The following DMD variants were observed in gnomAD, a reference collection of about 807,000 sequenced individuals.
The protein encoded by DMD is dystrophin.
A neutral mutation model predicts 330.1 loss-of-function variants in DMD; 63 were observed. That is an observed-to-expected ratio of 0.19 (90% confidence interval 0.16 to 0.24). The LOEUF (loss-of-function observed/expected upper bound fraction) is 0.24. DMD is among the 10% of genes least tolerant of loss of function. The pLI is 1.00. For missense variants in DMD, 3,344 were observed against 2,684.1 expected (o/e 1.25, Z -5.43); for synonymous variants, 1,223 against 959.8 (o/e 1.27, Z -5.07).
intron 74 of DMD, among the ~76,000 whole-genome samples, chrX:31,154,540 T>C (rs376201808): frequency 2.7e-5 from 3 of 109,949 alleles, no homozygotes; most frequent in South Asian, 8.0e-4. Context: ...GTGATCCGCC[T>C]GCCTCGGCCT....
chrX:32,913,488 T>C (rs2087486629), intron 2 of DMD, among the ~76,000 whole-genome samples: 1 of 112,178 alleles, frequency 8.9e-6, no homozygotes, highest in Non-Finnish European at 1.9e-5. Context: ...ATAATCCACA[T>C]GATACCAGGT....
In DMD at chrX:32,348,494, T is replaced by A. The variant is rs2097771386; in HGVS notation, c.5360A>T (p.Asn1787Ile). 1 of 1,207,342 alleles carries A rather than the reference T, an allele frequency of 8.3e-7. No homozygotes were observed. Among genetic ancestry groups the A allele is most frequent in the African/African-American group, 1.7e-5 (1 of 57,644 alleles). ...SIPLKELEQF[N>I]SDIQKLLEPL... ...TTCAAGCAATTTTTGTATATCTGAG[T>A]TAAACTGCTCCAATTCCTTCAAAGG... is the stretch of plus-strand genomic sequence containing the variant. The change falls in exon 38 of 79, where the codon AAC (asparagine) becomes ATC (isoleucine). Residue 1787 changes from asparagine to isoleucine, a missense_variant. Coordinates refer to ENST00000357033, the MANE Select transcript of DMD (RefSeq NM_004006.3).
chrX:33,092,701 T>G (rs1046771027), intron 1 of DMD, among the ~76,000 whole-genome samples: 3 of 110,974 alleles, frequency 2.7e-5, no homozygotes, highest in South Asian at 3.8e-4. Flanking sequence ...AAGAGCTATT[T>G]GACAGATGAA....
chrX:31,880,318 C>G (rs1324718782), intron 47 of DMD, among the ~76,000 whole-genome samples: 1 of 111,429 alleles, frequency 9.0e-6, no homozygotes, highest in Non-Finnish European at 1.9e-5. Context: ...ATTAAAGCCA[C>G]TAATCAAAAT....
intron 1 of DMD, among the ~76,000 whole-genome samples, chrX:33,206,831 A>G (rs2051600775): frequency 9.0e-6 from 1 of 110,767 alleles, no homozygotes; most frequent in Non-Finnish European, 1.9e-5. Context: ...AATGAGGTAG[A>G]GGTTGTATGG....
At chrX:31,690,067 T>G (rs2148808466) in intron 52 of DMD, among the ~76,000 whole-genome samples, 1 of 111,948 alleles carries the variant, frequency 8.9e-6, no homozygotes, top group African/African-American at 3.2e-5. Context: ...GGGCAAGGAC[T>G]TCATGTCTAA....
At chrX:32,656,252 G>T (rs7064819) in intron 9 of DMD, among the ~76,000 whole-genome samples, 1 of 111,699 alleles carries the variant, frequency 9.0e-6, no homozygotes, top group Non-Finnish European at 1.9e-5. Context: ...CCTGAAGGTC[G>T]TGATACACAC....
At chrX:31,244,888 A>C (rs1365851648) in intron 63 of DMD, among the ~76,000 whole-genome samples, 1 of 111,951 alleles carries the variant, frequency 8.9e-6, no homozygotes, top group East Asian at 2.8e-4. Flanking sequence ...AAAAACTTCT[A>C]TACCCTCAGT....
At chrX:32,060,818 C>T (rs1358397186) in intron 44 of DMD, among the ~76,000 whole-genome samples, 1 of 111,104 alleles carries the variant, frequency 9.0e-6, no homozygotes, top group Non-Finnish European at 1.9e-5. Flanking sequence ...AGGTTTGGAG[C>T]TGAAACACTT....
chrX:33,218,054 A>G (rs2052091181), intron 1 of DMD, among the ~76,000 whole-genome samples: 2 of 111,312 alleles, frequency 1.8e-5, no homozygotes, highest in South Asian at 7.6e-4. Flanking sequence ...TATTATTACA[A>G]TGTTAGCTAT....
At chrX:32,486,565 A>G (rs1603634649) in intron 20 of DMD, among the ~76,000 whole-genome samples, 1 of 110,806 alleles carries the variant, frequency 9.0e-6, no homozygotes, top group African/African-American at 3.3e-5. Flanking sequence ...CCAACAGGAC[A>G]AAGCTGGAGG....
At chrX:32,265,655 A>T (rs2097341436) in intron 43 of DMD, among the ~76,000 whole-genome samples, 1 of 112,487 alleles carries the variant, frequency 8.9e-6, no homozygotes, top group African/African-American at 3.2e-5. Flanking sequence ...AGGCTGTGGG[A>T]GCCCACCTTG....
chrX:33,032,491 T>C (rs971538355), intron 1 of DMD, among the ~76,000 whole-genome samples: 1 of 112,250 alleles, frequency 8.9e-6, no homozygotes, highest in Admixed American at 9.5e-5. Context: ...ATATAACCTC[T>C]TCATTTAAAA....
chrX:31,899,724 T>C (rs1289964615), intron 47 of DMD, among the ~76,000 whole-genome samples: 1 of 111,246 alleles, frequency 9.0e-6, no homozygotes, highest in Non-Finnish European at 1.9e-5. Flanking sequence ...GCAGAATCAA[T>C]TGGGTAGGAG....
chrX:32,346,883 T>C (rs1299530732), intron 38 of DMD, among the ~76,000 whole-genome samples: 4 of 111,986 alleles, frequency 3.6e-5, no homozygotes, highest in Admixed American at 9.5e-5. Context: ...TTTTCACCTT[T>C]AGTTTTCTTT....
Position 32,481,837 on chromosome X carries a change from A to G in DMD, c.2803+3082T>C, listed in dbSNP as rs1287389677. Among the ~76,000 whole-genome samples, 5 of 111,831 alleles carry G rather than the reference A, an allele frequency of 4.5e-5. No individual in the cohort carries two copies. The East Asian group carries it at 1.4e-3, about 31-fold the overall frequency. ...AGACATATTGCTCTTGATTTTCTCC[A>G]CCATGTATATTACCTAGTGCCCAGC... On this transcript the variant is annotated intron_variant, in intron 21 of 78. Transcript: ENST00000357033.
At chrX:32,765,175 T>C (rs1019424289) in intron 7 of DMD, among the ~76,000 whole-genome samples, 1 of 107,846 alleles carries the variant, frequency 9.3e-6, no homozygotes, top group African/African-American at 3.6e-5. Context: ...ATGATATAAT[T>C]TAACTGTGTC....
intron 1 of DMD, among the ~76,000 whole-genome samples, chrX:33,115,542 C>T (rs1481182890): frequency 9.4e-6 from 1 of 106,787 alleles, no homozygotes; most frequent in African/African-American, 3.4e-5. Context: ...GATGGAGTCT[C>T]GCTCTGTGGC....
At chrX:31,126,220 C>T (rs1028533308) in intron 78 of DMD, among the ~76,000 whole-genome samples, 1 of 111,478 alleles carries the variant, frequency 9.0e-6, no homozygotes, top group African/African-American at 3.3e-5. Flanking sequence ...TGAAGTCATC[C>T]CAGAAGAATA....
Sources: allele counts gnomAD v4.1 joint callset (sites outside exome capture counted in the v4.1 genomes callset), GRCh38; gene constraint gnomAD v4.1.1; transcripts MANE v1.5; gene names NCBI Gene and HGNC (gene_info 2026-07-23, HGNC 2026-07-21).